Variants in VPS13A observed in about 807,000 individuals in gnomAD.
The protein encoded by VPS13A is intermembrane lipid transfer protein VPS13A.
In VPS13A, 264 loss-of-function variants were observed where a neutral mutation model predicts 390.9. The observed-to-expected ratio is 0.68, with a 90% CI of 0.61 to 0.75. The LOEUF (loss-of-function observed/expected upper bound fraction) is 0.75. Among genes scored for constraint, VPS13A ranks in the 30% least tolerant of loss-of-function variants. The pLI, the probability that VPS13A is intolerant of heterozygous loss-of-function variation, is 0.00. For missense variants in VPS13A, 3,409 were observed against 3,733.9 expected (o/e 0.91, Z 2.27); for synonymous variants, 1,231 against 1,227.1 (o/e 1.00, Z -0.07).
chr9:77,269,217 T>G (rs925893857), intron 23 of VPS13A, among the ~76,000 whole-genome samples: 5 of 152,190 alleles, frequency 3.3e-5, no homozygotes, highest in Admixed American at 2.6e-4. Flanking sequence ...GTTTTATACT[T>G]AGGTCTCTCA....
chr9:77,305,217 C>T (rs998208563), intron 34 of VPS13A, among the ~76,000 whole-genome samples: 4 of 152,016 alleles, frequency 2.6e-5, no homozygotes, highest in Admixed American at 1.3e-4. Flanking sequence ...GGATTACAGG[C>T]GTGAGCCATC....
Position 77,247,304 on chromosome 9 carries a change from T to A in VPS13A, c.1946T>A (p.Ile649Asn). The A allele has an allele frequency of 6.2e-7, 1 of 1,607,710 alleles. No homozygotes were observed. Among genetic ancestry groups the A allele is most frequent in the Non-Finnish European group, 8.5e-7 (1 of 1,176,810 alleles). The change falls in exon 20 of 72, where the codon ATT (isoleucine) becomes AAT (asparagine). Residue 649 changes from isoleucine to asparagine, a missense_variant. Physicochemically the swap from Ile to Asn is moderately radical, Grantham distance 149. This residue lies in a region of VPS13A where 2,717 missense variants were observed against 2,917.4 expected (regional missense o/e 0.93). Transcript: ENST00000360280. Reference sequence around the variant, plus strand: ...ACACAGAAAGTTCTTGATCTCAAAATTAATTTGAAGGCTTCATATATTATT... The same window carrying A: ...ACACAGAAAGTTCTTGATCTCAAAAATAATTTGAAGGCTTCATATATTATT... ...IETQKVLDLKINLKASYIIVP... is the reference protein window; with the variant it reads ...IETQKVLDLKNNLKASYIIVP...
rs1350822382 is a variant in VPS13A at position 77,421,243 on chromosome 9, G to A, written c.*5237G>A. 1 of 152,106 alleles carries A rather than the reference G, an allele frequency of 6.6e-6. No homozygotes were observed. Among genetic ancestry groups the A allele is most frequent in the Non-Finnish European group, 1.5e-5 (1 of 68,016 alleles). The allele number at this position is 152,106 out of a possible 1,614,324, so 9.4% of individuals were successfully genotyped here. On this transcript the variant is annotated 3_prime_UTR_variant, in exon 72 of 72. Coordinates refer to ENST00000360280, the MANE Select transcript of VPS13A (RefSeq NM_033305.3). ...GCTGCAGGATTTCCTACACTTTTCT[G>A]TTCCTCATCCCTCTTTTATGTGTGC...
chr9:77,229,724 T>G (rs1034077543), intron 17 of VPS13A, among the ~76,000 whole-genome samples: 2 of 152,214 alleles, frequency 1.3e-5, no homozygotes, highest in African/African-American at 4.8e-5. Flanking sequence ...GTATTGCAGC[T>G]ATGAGTATTC....
rs1289603927 is a variant in VPS13A, at chr9:77,407,527, T to C, written c.9400-6T>C. 1.9e-6 allele frequency: 3 copies of C among 1,609,176 alleles called. No homozygotes were observed. Among genetic ancestry groups the C allele is most frequent in the Non-Finnish European group, 2.6e-6 (3 of 1,175,990 alleles). On this transcript the variant is annotated splice_region_variant and splice_polypyrimidine_tract_variant and intron_variant, in intron 70 of 71. Coordinates refer to ENST00000360280, the MANE Select transcript of VPS13A (RefSeq NM_033305.3). ...TTTTTAATGAATTTACATATTCTGT[T>C]TATAGGAACGAGTGAAGTCTGTATT... is the stretch of plus-strand genomic sequence containing the variant.
intron 24 of VPS13A, 23 bp downstream of exon 24, chr9:77,273,387 TA>T (rs1377190522): frequency 1.4e-5 from 22 of 1,531,104 alleles, no homozygotes; most frequent in Non-Finnish European, 2.0e-5. Flanking sequence ...TGCTTAAGGA[TA>T]TTTTTCTTAT....
chr9:77,177,956 G>A, intron 1 of VPS13A, 152 bp downstream of exon 1: 1 of 650,218 alleles, frequency 1.5e-6, no homozygotes, highest in Admixed American at 2.7e-5. Context: ...GTTACGTAAA[G>A]CCGGGCGGCA....
chr9:77,310,640 TAAAC>T (rs1482977085), intron 35 of VPS13A, among the ~76,000 whole-genome samples: 3 of 152,172 alleles, frequency 2.0e-5, no homozygotes, highest in Non-Finnish European at 4.4e-5. Flanking sequence ...TGGTCATAGT[TAAAC>T]AACACATGGA....
intron 44 of VPS13A, 75 bp downstream of exon 44, chr9:77,321,821 G>A: frequency 6.4e-7 from 1 of 1,555,706 alleles, no homozygotes; most frequent in South Asian, 1.2e-5. Context: ...TTACTCTTTT[G>A]TAGAATCTTA....
chr9:77,207,748 T>C (rs1825764020), intron 5 of VPS13A, among the ~76,000 whole-genome samples: 2 of 152,110 alleles, frequency 1.3e-5, no homozygotes, highest in South Asian at 4.1e-4. Context: ...CTTATACAGA[T>C]TTAAATCAGT....
intron 34 of VPS13A, among the ~76,000 whole-genome samples, chr9:77,306,100 A>G (rs1454655283): frequency 6.6e-6 from 1 of 152,208 alleles, no homozygotes; most frequent in Non-Finnish European, 1.5e-5. Context: ...ACTAAGTGTC[A>G]TGAATAAAGA....
At chr9:77,375,317 G>A (rs898970372) in intron 67 of VPS13A, among the ~76,000 whole-genome samples, 11 of 151,988 alleles carry the variant, frequency 7.2e-5, no homozygotes, top group African/African-American at 2.4e-4. Context: ...AGGAGGAATG[G>A]GTTACAAGAT....
At chr9:77,291,144 C>T (rs1288652645) in intron 31 of VPS13A, among the ~76,000 whole-genome samples, 1 of 152,150 alleles carries the variant, frequency 6.6e-6, no homozygotes, top group Non-Finnish European at 1.5e-5. Context: ...TGAGCTCCGC[C>T]TCCTGTCAGA....
intron 50 of VPS13A, among the ~76,000 whole-genome samples, chr9:77,341,610 C>A (rs1830814406): frequency 6.7e-6 from 1 of 150,160 alleles, no homozygotes; most frequent in African/African-American, 2.5e-5. Flanking sequence ...CATACTCTAT[C>A]CTCCATGTCT....
intron 24 of VPS13A, 140 bp downstream of exon 24, chr9:77,273,504 A>T (rs891020615): frequency 2.9e-5 from 19 of 665,094 alleles, no homozygotes; most frequent in Non-Finnish European, 4.2e-5. Context: ...CTGAGGCTCT[A>T]TGAATGGAAG....
chr9:77,341,346 A>G (rs1280373027), intron 50 of VPS13A, among the ~76,000 whole-genome samples: 2 of 152,098 alleles, frequency 1.3e-5, no homozygotes, highest in East Asian at 3.9e-4. Context: ...AAAAAAGAAA[A>G]AAAAGAAAGA....
intron 1 of VPS13A, among the ~76,000 whole-genome samples, chr9:77,178,742 C>T (rs1000522174): frequency 6.6e-6 from 1 of 152,068 alleles, no homozygotes; most frequent in Non-Finnish European, 1.5e-5. Context: ...TTTTAAACAC[C>T]CGCTAGAAAT....
intron 66 of VPS13A, 24 bp downstream of exon 66, chr9:77,370,959 A>G: frequency 6.2e-7 from 1 of 1,614,112 alleles, no homozygotes. Flanking sequence ...TTCCTTTGCA[A>G]GTCTTTCTAA....
At chr9:77,234,396 G>T (rs1824012972) in intron 17 of VPS13A, among the ~76,000 whole-genome samples, 1 of 152,134 alleles carries the variant, frequency 6.6e-6, no homozygotes, top group Admixed American at 6.5e-5. Context: ...GTTATGAGTT[G>T]CATGCAGTAT....
Sources: gnomAD v4.1 joint callset for allele counts (sites outside exome capture counted in the v4.1 genomes callset) on GRCh38, gnomAD v4.1.1 for gene constraint, gnomAD v4.1.1 regional missense constraint, MANE v1.5 for transcripts, NCBI Gene and HGNC (gene_info 2026-07-23, HGNC 2026-07-21) for gene names.